Variants in KCNT1 observed in about 807,000 individuals in gnomAD.
KCNT1 encodes the protein potassium sodium-activated channel subfamily T member 1.
In KCNT1, 78 loss-of-function variants were observed where a neutral mutation model predicts 147.8. That is an observed-to-expected ratio of 0.53 (90% CI 0.44 to 0.64). The LOEUF (loss-of-function observed/expected upper bound fraction) is 0.64, where lower values mean the gene tolerates loss of function less well. KCNT1 is among the 30% of genes least tolerant of loss of function. The probability of loss-of-function intolerance (pLI) is 0.00; values close to 1 mark genes in which losing one functional copy is unlikely to be tolerated. For synonymous variants in KCNT1, 867 were observed against 748.8 expected (o/e 1.16, Z -2.58); for missense variants, 1,419 against 1,750.3 (o/e 0.81, Z 3.38).
At chr9:135,774,577 TTG>T in intron 19 of KCNT1, among the ~76,000 whole-genome samples, 3 of 151,394 alleles carry the variant, frequency 2.0e-5, no homozygotes, top group Non-Finnish European at 4.4e-5. Context: ...TGTCTGTGTG[TTG>T]TGTGTCCATG....
chr9:135,767,206 G>A (rs1338829295), intron 13 of KCNT1, among the ~76,000 whole-genome samples: 2 of 152,118 alleles, frequency 1.3e-5, no homozygotes, highest in Non-Finnish European at 2.9e-5. Context: ...CCTATGGAAC[G>A]CCACCTCTTT....
chr9:135,761,015 C>T (rs879008437), intron 11 of KCNT1, among the ~76,000 whole-genome samples: 2 of 148,780 alleles, frequency 1.3e-5, no homozygotes, highest in Admixed American at 6.8e-5. Context: ...CTTCCATTCA[C>T]GGATGGTCTT....
intron 29 of KCNT1, among the ~76,000 whole-genome samples, chr9:135,787,466 C>T (rs1300856658): frequency 6.6e-6 from 1 of 152,238 alleles, no homozygotes; most frequent in Non-Finnish European, 1.5e-5. Flanking sequence ...TTGCCTGATG[C>T]TCAGGGCTGC....
At position 135,768,258 on chromosome 9, in the gene KCNT1, CACTGGGATACCGGTGG is replaced by C. The variant is rs1564366492; in HGVS notation, c.1338-351_1338-336del. 3.6e-3 allele frequency among the ~76,000 whole-genome samples: 9 copies of C among 2,500 alleles called. 3 individuals carry two copies. Among genetic ancestry groups the C allele is most frequent in the South Asian group, 0.038 (2 of 52 alleles). 1.6% of individuals were successfully genotyped at this position (2,500 alleles called of 152,430 possible). A position where few individuals can be genotyped will look rare whatever the true frequency, so the allele number is the denominator to read the frequency against. ...ATGCCTGCGGGGGGGGGGGGGGGGG[CACTGGGATACCGGTGG>C]GGGGGGCACAGGGATGCCTGCTGGT... On this transcript the variant is annotated intron_variant, in intron 13 of 30. Transcript: ENST00000371757.
intron 2 of KCNT1, among the ~76,000 whole-genome samples, chr9:135,728,205 G>C (rs1275659303): frequency 6.6e-6 from 1 of 152,220 alleles, no homozygotes; most frequent in Non-Finnish European, 1.5e-5. Flanking sequence ...AGGAAGCGTA[G>C]CCTTGTGACA....
intron 28 of KCNT1, 133 bp downstream of exon 28, chr9:135,785,463 C>A (rs953847967): frequency 7.1e-6 from 8 of 1,124,408 alleles, no homozygotes; most frequent in Non-Finnish European, 1.0e-5. Flanking sequence ...AGGAGCGGGT[C>A]CCACGGATGT....
intron 13 of KCNT1, among the ~76,000 whole-genome samples, chr9:135,766,295 G>A (rs529715788): frequency 1.2e-4 from 18 of 152,040 alleles, no homozygotes; most frequent in Non-Finnish European, 2.2e-4. Context: ...AGACTGTCCA[G>A]GGTGGACCAT....
chr9:135,743,879 A>G (rs1316735147), intron 2 of KCNT1, among the ~76,000 whole-genome samples: 1 of 152,232 alleles, frequency 6.6e-6, no homozygotes, highest in East Asian at 1.9e-4. Context: ...GGGGACGGAG[A>G]CATGTGTGTG....
intron 1 of KCNT1, among the ~76,000 whole-genome samples, chr9:135,706,879 C>T (rs1441740461): frequency 3.9e-5 from 6 of 152,130 alleles, no homozygotes; most frequent in South Asian, 2.1e-4. Flanking sequence ...GCTCAGGGTA[C>T]GGGCCCCTAG....
rs781600347 is a variant in KCNT1 at position 135,772,910 on chromosome 9, AGGTGAC to A, written c.2206_2211del (p.Val736_Thr737del). 5 of 1,538,826 alleles carry A rather than the reference AGGTGAC, an allele frequency of 3.2e-6. No homozygotes were observed. In the Admixed American group the frequency reaches 1.0e-4, roughly 32 times the overall value. ...CTGCTGAGCGACCAGTCGGAGGATG[AGGTGAC>A]GCCGTCGGACGACGAGGGGCTCTCC... is the stretch of plus-strand genomic sequence containing the variant. On this transcript the variant is annotated inframe_deletion, in exon 19 of 31. Transcript: ENST00000371757.
intron 3 of KCNT1, chr9:135,750,662 C>T (rs1266078835): frequency 1.8e-6 from 1 of 548,842 alleles, no homozygotes; most frequent in Admixed American, 3.2e-5. Context: ...CTCCCCAATC[C>T]CTATCCTGTC....
At chr9:135,754,588 G>T (rs761231438) in intron 5 of KCNT1, among the ~76,000 whole-genome samples, 1 of 152,228 alleles carries the variant, frequency 6.6e-6, no homozygotes, top group Non-Finnish European at 1.5e-5. Context: ...TCCGCATCAG[G>T]CAAGGAGCAG....
intron 13 of KCNT1, among the ~76,000 whole-genome samples, chr9:135,766,073 G>A (rs918113379): frequency 2.2e-5 from 3 of 136,488 alleles, no homozygotes; most frequent in African/African-American, 8.0e-5. Context: ...ACCATCTGGG[G>A]TGGACCATCT....
At chr9:135,729,471 G>A (rs572153885) in intron 2 of KCNT1, among the ~76,000 whole-genome samples, 9 of 152,334 alleles carry the variant, frequency 5.9e-5, no homozygotes, top group African/African-American at 1.9e-4. Flanking sequence ...CCAGCCCTGC[G>A]GATGCCTCCG....
chr9:135,719,398 C>T (rs545831754), intron 2 of KCNT1, among the ~76,000 whole-genome samples: 2 of 152,312 alleles, frequency 1.3e-5, no homozygotes, highest in Non-Finnish European at 1.5e-5. Flanking sequence ...CGGCTTCCAT[C>T]CTGCCCTGCA....
At position 135,714,680 on chromosome 9, in the gene KCNT1, G is replaced by A; in HGVS notation, c.214G>A (p.Asp72Asn). The change falls in exon 2 of 31, where the codon GAC becomes AAC. Residue 72 changes from aspartate (D) to asparagine (N), a missense_variant. Asp to Asn is a conservative substitution (Grantham distance 23). Transcript: ENST00000371757. This position sits in a 1 kb window ranked among gnomAD's most constrained non-coding sequence, Gnocchi z 6.2. ...CTTGCCGCCGCGCTACCGCTTCCGG[G>A]ACCTGCTGCTGGGCGACCCGTCCTT... ...LPLPPRYRFR[D>N]LLLGDPSFQN... 3 of 1,480,364 alleles carry A rather than the reference G, an allele frequency of 2.0e-6. No homozygotes were observed. Among genetic ancestry groups the A allele is most frequent in the Non-Finnish European group, 2.7e-6 (3 of 1,105,690 alleles). 91.7% of individuals were successfully genotyped at this position (1,480,364 alleles called of 1,614,324 possible). A position where few individuals can be genotyped will look rare whatever the true frequency, so the allele number is the denominator to read the frequency against.
chr9:135,774,494 G>T (rs1325453687), intron 19 of KCNT1, among the ~76,000 whole-genome samples: 1 of 149,910 alleles, frequency 6.7e-6, no homozygotes, highest in Non-Finnish European at 1.5e-5. Context: ...GTGTCTGTGT[G>T]GTGTGTGTTG....
intron 1 of KCNT1, among the ~76,000 whole-genome samples, chr9:135,711,035 T>C (rs1835463734): frequency 6.6e-6 from 1 of 152,114 alleles, no homozygotes; most frequent in African/African-American, 2.4e-5. Flanking sequence ...CCATACTAGG[T>C]TCCGTATTTG....
chr9:135,756,973 A>ACCC, intron 7 of KCNT1, 41 bp downstream of exon 7: 1 of 653,240 alleles, frequency 1.5e-6, no homozygotes, highest in Non-Finnish European at 2.1e-6. Context: ...GGGGGTCCCC[A>ACCC]CCCTCCCCAC....
Sources: allele counts gnomAD v4.1 joint callset (sites outside exome capture counted in the v4.1 genomes callset), GRCh38; gene constraint gnomAD v4.1.1; non-coding constraint Gnocchi (gnomAD v3.1); transcripts MANE v1.5; gene names NCBI Gene and HGNC (gene_info 2026-07-23, HGNC 2026-07-21).